The following PATJ variants were observed in gnomAD, a reference collection of about 807,000 sequenced individuals.
PATJ encodes the protein PATJ crumbs cell polarity complex component.
A neutral mutation model predicts 224.9 loss-of-function variants in PATJ; 190 were observed. That is an observed-to-expected ratio of 0.84 (90% CI 0.75 to 0.95). The LOEUF (loss-of-function observed/expected upper bound fraction) is 0.95, where lower values mean the gene tolerates loss of function less well. Among genes scored for constraint, PATJ ranks in the 40% least tolerant of loss-of-function variants. The pLI is 0.00. For synonymous variants in PATJ, 769 were observed against 820.3 expected, an observed-to-expected ratio of 0.94 and a Z score of 1.07; for missense variants, 2,121 against 2,270.3, an observed-to-expected ratio of 0.93 and a Z score of 1.34.
At chr1:61,930,667 A>G (rs1174583949) in intron 27 of PATJ, among the ~76,000 whole-genome samples, 1 of 152,050 alleles carries the variant, frequency 6.6e-6, no homozygotes, top group Non-Finnish European at 1.5e-5. Context: ...CAGTTTCCCA[A>G]GTAGCTGGTA....
chr1:61,921,844 G>A (rs1674384347), intron 26 of PATJ, among the ~76,000 whole-genome samples: 1 of 152,108 alleles, frequency 6.6e-6, no homozygotes, highest in Non-Finnish European at 1.5e-5. Flanking sequence ...AGGGATGATG[G>A]TTATGTTCAC....
Position 62,121,313 on chromosome 1 carries a change from C to T in PATJ, c.5005+18C>T. 6.8e-7 allele frequency: 1 copy of T among 1,461,104 alleles called. No individual in the cohort carries two copies. Among genetic ancestry groups the T allele is most frequent in the Admixed American group, 1.7e-5 (1 of 57,244 alleles). The allele number at this position is 1,461,104 out of a possible 1,614,324, so 90.5% of individuals were successfully genotyped here. On this transcript the variant is annotated intron_variant, in intron 38 of 43. Transcript: ENST00000642238. ...AAATTCAGGTATTACACGGACACAC[C>T]CAGAGCAAAACTATCCTGTTACCCA... is the stretch of plus-strand genomic sequence containing the variant.
intron 42 of PATJ, among the ~76,000 whole-genome samples, chr1:62,149,579 C>T (rs982283008): frequency 6.7e-6 from 1 of 149,816 alleles, no homozygotes; most frequent in Non-Finnish European, 1.5e-5. Flanking sequence ...AGAAATATAA[C>T]ATTTTTCAAA....
rs1272204047 is a variant in PATJ at position 61,852,764 on chromosome 1, C to T, written c.2113-3266C>T. ...AGCCTGAGTCAGGCTGGTGTTTGAGCATTTTTATGCAGCAAAGCCTCAAGA... is the reference window on the plus strand; with the variant it reads ...AGCCTGAGTCAGGCTGGTGTTTGAGTATTTTTATGCAGCAAAGCCTCAAGA... On this transcript the variant is annotated intron_variant, in intron 17 of 43. Transcript: ENST00000642238. Among the ~76,000 whole-genome samples, 5 of 152,278 alleles carry T rather than the reference C, an allele frequency of 3.3e-5. No individual in the cohort carries two copies. In the East Asian group the frequency reaches 9.6e-4, roughly 29 times the overall value.
intron 33 of PATJ, among the ~76,000 whole-genome samples, chr1:62,105,338 T>C (rs1473488274): frequency 1.3e-5 from 2 of 152,206 alleles, no homozygotes; most frequent in African/African-American, 4.8e-5. Context: ...AATCAAATTC[T>C]GTAAAAGCCA....
intron 41 of PATJ, among the ~76,000 whole-genome samples, chr1:62,147,389 C>G (rs1268210059): frequency 6.6e-6 from 1 of 152,148 alleles, no homozygotes; most frequent in Non-Finnish European, 1.5e-5. Flanking sequence ...GGCACAGGAG[C>G]ACATGCCTAT....
Position 61,875,340 on chromosome 1 carries a change from C to A in PATJ, c.2933C>A (p.Ser978Ter). Residue 978 changes from serine to a stop codon, truncating the protein, a stop_gained, in exon 21 of 44, where the codon TCA (serine) becomes TAA (stop). Transcript: ENST00000642238. LOFTEE classifies it high-confidence loss of function. ...TTTGACGACCTGGAAAATCTTAATT[C>A]ATTAGCAAAAACTAGTCTGGATTTA... The part of the protein sequence containing the change: ...GRFDDLENLN[S>*]LAKTSLDLGM... 2 of 1,610,720 alleles carry A rather than the reference C, an allele frequency of 1.2e-6. No individual in the cohort carries two copies. The highest frequency in any genetic ancestry group is 1.7e-6 in the Non-Finnish European group (2 of 1,178,312).
chr1:61,806,412 G>A (rs1178332292), intron 13 of PATJ, among the ~76,000 whole-genome samples: 1 of 152,042 alleles, frequency 6.6e-6, no homozygotes, highest in Non-Finnish European at 1.5e-5. Context: ...GAGGTCAGGA[G>A]ATCGAGACCA....
chr1:62,024,831 A>G (rs1442495751), intron 29 of PATJ, among the ~76,000 whole-genome samples: 2 of 152,148 alleles, frequency 1.3e-5, no homozygotes, highest in African/African-American at 4.8e-5. Flanking sequence ...CATTTTGGCA[A>G]TATGATACCT....
chr1:61,820,491 T>C (rs1481501689), intron 14 of PATJ, among the ~76,000 whole-genome samples: 3 of 152,092 alleles, frequency 2.0e-5, no homozygotes, highest in African/African-American at 7.2e-5. Context: ...TACAGGCATG[T>C]GCCACCACAC....
intron 43 of PATJ, among the ~76,000 whole-genome samples, chr1:62,160,034 T>C (rs968282626): frequency 1.6e-4 from 24 of 152,044 alleles, no homozygotes; most frequent in African/African-American, 5.3e-4. Flanking sequence ...GGGCTTTGGT[T>C]GCCCACTGAA....
chr1:61,953,308 CCTTT>C (rs954029175), intron 27 of PATJ, among the ~76,000 whole-genome samples: 3 of 152,048 alleles, frequency 2.0e-5, no homozygotes, highest in African/African-American at 7.2e-5. Context: ...GACATTATAG[CCTTT>C]CTTTTTATTT....
At chr1:62,108,376 G>A (rs1190451942) in intron 33 of PATJ, 61 bp from the exon 34 acceptor site, 2 of 949,424 alleles carry the variant, frequency 2.1e-6, no homozygotes, top group South Asian at 1.7e-5. Context: ...CTGCCTATTG[G>A]TTGTTTGCTT....
intron 27 of PATJ, among the ~76,000 whole-genome samples, chr1:61,944,615 GT>G (rs1329434506): frequency 6.6e-6 from 1 of 152,202 alleles, no homozygotes; most frequent in Non-Finnish European, 1.5e-5. Context: ...GTACCTGAAA[GT>G]GACAGGGAGA....
At chr1:61,965,161 A>C (rs1681941095) in intron 27 of PATJ, among the ~76,000 whole-genome samples, 1 of 134,300 alleles carries the variant, frequency 7.4e-6, no homozygotes, top group South Asian at 2.4e-4. Context: ...AAAAAAAAAA[A>C]GGAGCCTTCA....
intron 42 of PATJ, among the ~76,000 whole-genome samples, chr1:62,149,514 C>T (rs1264078536): frequency 6.6e-6 from 1 of 151,784 alleles, no homozygotes; most frequent in South Asian, 2.1e-4. Context: ...CTCATTCTAC[C>T]TTTTTCTCAT....
At chr1:62,035,686 A>G (rs1186921515) in intron 29 of PATJ, among the ~76,000 whole-genome samples, 1 of 149,228 alleles carries the variant, frequency 6.7e-6, no homozygotes, top group Non-Finnish European at 1.5e-5. Flanking sequence ...AGATAGTGTC[A>G]TAGGGAGTAG....
chr1:61,827,682 C>T (rs1557716719), intron 16 of PATJ, 99 bp downstream of exon 16: 3 of 1,131,210 alleles, frequency 2.7e-6, no homozygotes, highest in African/African-American at 3.2e-5. Flanking sequence ...AACCATTCCA[C>T]TCTGCTCTTT....
At chr1:61,939,357 G>GACAC (rs61115372) in intron 27 of PATJ, among the ~76,000 whole-genome samples, 7,045 of 146,476 alleles carry the variant, frequency 0.048, 592 homozygotes, top group African/African-American at 0.16. Flanking sequence ...TCAGAAGAAA[G>GACAC]ACACACACAC....
Sources: gnomAD v4.1 joint callset for allele counts (sites outside exome capture counted in the v4.1 genomes callset) on GRCh38, gnomAD v4.1.1 for gene constraint, MANE v1.5 for transcripts, NCBI Gene and HGNC (gene_info 2026-07-23, HGNC 2026-07-21) for gene names.